Variants in LSAMP observed in about 807,000 individuals in gnomAD.
LSAMP encodes the protein limbic system-associated membrane protein.
In LSAMP, 7 loss-of-function variants were observed where a neutral mutation model predicts 38.6. That is an observed-to-expected ratio of 0.18 (90% CI 0.10 to 0.34). LSAMP has a LOEUF of 0.34. Ranked by LOEUF, LSAMP falls within the 10% of genes least tolerant of loss-of-function variation. The pLI is 1.00. For missense variants in LSAMP, 313 were observed against 420.0 expected (o/e 0.75, Z 2.23); for synonymous variants, 154 against 166.8 (o/e 0.92, Z 0.59).
At chr3:116,380,252 A>C (rs946025862) in intron 1 of LSAMP, among the ~76,000 whole-genome samples, 6 of 152,076 alleles carry the variant, frequency 3.9e-5, no homozygotes, top group Admixed American at 1.3e-4. Context: ...GTATAGAGAT[A>C]CTGTGAGCTG....
chr3:116,128,598 G>A (rs1197934944), intron 1 of LSAMP, among the ~76,000 whole-genome samples: 1 of 152,186 alleles, frequency 6.6e-6, no homozygotes, highest in Non-Finnish European at 1.5e-5. Flanking sequence ...GAAAATGTCT[G>A]TGCTGCCACT....
At chr3:116,379,075 G>A (rs1264165282) in intron 1 of LSAMP, among the ~76,000 whole-genome samples, 1 of 151,554 alleles carries the variant, frequency 6.6e-6, no homozygotes, top group Non-Finnish European at 1.5e-5. Flanking sequence ...AACAGCATTT[G>A]TGAGTCTACG....
rs577246580 is a variant in LSAMP at position 116,041,801 on chromosome 3, A to C, written c.389-22161T>G. ...CAAAAGTAAATGAAAGCATGCAAAA[A>C]AAAACAAAACAAAACAAAAAAAAAA... is the stretch of plus-strand genomic sequence containing the variant. On this transcript the variant is annotated intron_variant, in intron 2 of 6. Coordinates refer to ENST00000490035, the MANE Select transcript of LSAMP (RefSeq NM_002338.5). 6.2e-4 allele frequency among the ~76,000 whole-genome samples: 93 copies of C among 150,636 alleles called. 1 individual carries two copies. The highest frequency in any genetic ancestry group is 1.5e-3 in the Admixed American group (22 of 15,124).
rs60344430 is a variant in LSAMP at position 116,390,739 on chromosome 3, CAAAAAA to C, written c.155+54132_155+54137del. ...TGGGCAACAGAGTGAGACTCCGCCT[CAAAAAA>C]AAAAAAAAAAAAAAAAAAGGCAAGG... On this transcript the variant is annotated intron_variant, in intron 1 of 6. Transcript: ENST00000490035. Among the ~76,000 whole-genome samples, 29 of 55,990 alleles carry C rather than the reference CAAAAAA, an allele frequency of 5.2e-4. 1 individual carries two copies. Among genetic ancestry groups the C allele is most frequent in the Admixed American group, 1.8e-3 (8 of 4,544 alleles). 36.7% of individuals were successfully genotyped at this position (55,990 alleles called of 152,430 possible).
intron 3 of LSAMP, among the ~76,000 whole-genome samples, chr3:115,932,102 C>CA (rs986785472): frequency 6.6e-6 from 1 of 151,684 alleles, no homozygotes; most frequent in Non-Finnish European, 1.5e-5. Flanking sequence ...GGTAGGAGTA[C>CA]AAAAAAATGC....
At chr3:115,824,537 C>A (rs2107471590) in intron 6 of LSAMP, among the ~76,000 whole-genome samples, 1 of 152,162 alleles carries the variant, frequency 6.6e-6, no homozygotes, top group Non-Finnish European at 1.5e-5. Context: ...CCCATCTCTA[C>A]TAAAGATACA....
At chr3:116,097,767 C>T (rs575495599) in intron 1 of LSAMP, among the ~76,000 whole-genome samples, 134 of 151,472 alleles carry the variant, frequency 8.8e-4, no homozygotes, top group Non-Finnish European at 1.6e-3. Flanking sequence ...CACAGTTTTG[C>T]TCTTGCTGCC....
rs186903156 is a variant in LSAMP at position 116,248,923 on chromosome 3, G to A, written c.156-162367C>T. 3.8e-4 allele frequency among the ~76,000 whole-genome samples: 58 copies of A among 152,124 alleles called. No homozygotes were observed. In the East Asian group the frequency reaches 9.5e-3, roughly 25 times the overall value. On this transcript the variant is annotated intron_variant, in intron 1 of 6. Transcript: ENST00000490035. ...AGCACTTTGGGAGGCTGAGGCAGGCGGATCACGAGGTCAGGAGATCGAGAC... is the reference window on the plus strand; with the variant it reads ...AGCACTTTGGGAGGCTGAGGCAGGCAGATCACGAGGTCAGGAGATCGAGAC...
intron 3 of LSAMP, among the ~76,000 whole-genome samples, chr3:115,866,807 A>C (rs1319765065): frequency 6.6e-6 from 1 of 152,106 alleles, no homozygotes; most frequent in Non-Finnish European, 1.5e-5. Flanking sequence ...CAAAGATATC[A>C]AACTTTAAAG....
In LSAMP at chr3:116,019,670, A is replaced by T. The variant is rs145801910; in HGVS notation, c.389-30T>A. Reference sequence around the variant, plus strand: ...GAAAACAAAAGGAAATGGAATATGTAACCATGTCAGTAAGATTAGGCTTGT... The same window carrying T: ...GAAAACAAAAGGAAATGGAATATGTTACCATGTCAGTAAGATTAGGCTTGT... On this transcript the variant is annotated intron_variant, in intron 2 of 6. Transcript: ENST00000490035. 5 of 1,604,776 alleles carry T rather than the reference A, an allele frequency of 3.1e-6. No individual in the cohort carries two copies. The African/African-American group carries it at 6.7e-5, about 21-fold the overall frequency.
At chr3:116,237,066 G>T (rs2046473859) in intron 1 of LSAMP, among the ~76,000 whole-genome samples, 1 of 151,826 alleles carries the variant, frequency 6.6e-6, no homozygotes, top group African/African-American at 2.4e-5. Flanking sequence ...AAGACACTAA[G>T]ATGACTTTCT....
intron 1 of LSAMP, among the ~76,000 whole-genome samples, chr3:116,379,221 A>T (rs2107799588): frequency 6.6e-6 from 1 of 152,212 alleles, no homozygotes; most frequent in East Asian, 1.9e-4. Context: ...GATTATTTTT[A>T]ATTAACCTAA....
intron 1 of LSAMP, among the ~76,000 whole-genome samples, chr3:116,423,983 C>T (rs950901192): frequency 6.6e-6 from 1 of 152,052 alleles, no homozygotes; most frequent in Non-Finnish European, 1.5e-5. Flanking sequence ...GAGTCTAGAA[C>T]AGGTGATGGA....
intron 1 of LSAMP, among the ~76,000 whole-genome samples, chr3:116,290,734 AAATAATAAT>A (rs201227569): frequency 0.1 from 14,389 of 140,432 alleles, 781 homozygotes; most frequent in African/African-American, 0.11. Context: ...TGTCTCACAA[AAATAATAAT>A]AATAATAATA....
At chr3:116,118,318 C>T (rs1708799047) in intron 1 of LSAMP, among the ~76,000 whole-genome samples, 1 of 152,166 alleles carries the variant, frequency 6.6e-6, no homozygotes, top group African/African-American at 2.4e-5. Context: ...TTCCTTCCCC[C>T]TATTTCCAGT....
At position 116,388,933 on chromosome 3, in the gene LSAMP, A is replaced by G. The variant is rs115278647; in HGVS notation, c.155+55944T>C. Among the ~76,000 whole-genome samples the G allele has an allele frequency of 1.6e-3, 244 of 152,328 alleles. 1 individual carries two copies. The highest frequency in any genetic ancestry group is 5.5e-3 in the African/African-American group (228 of 41,572). ...AAGAACAAAGAAAAAGATGAGCCCAATAGAAAATAAATTGGCATTAAGAAA... is the reference window on the plus strand; with the variant it reads ...AAGAACAAAGAAAAAGATGAGCCCAGTAGAAAATAAATTGGCATTAAGAAA... On this transcript the variant is annotated intron_variant, in intron 1 of 6. Coordinates refer to ENST00000490035, the MANE Select transcript of LSAMP (RefSeq NM_002338.5).
chr3:115,847,165 A>G (rs1935186470), intron 4 of LSAMP, among the ~76,000 whole-genome samples: 1 of 152,064 alleles, frequency 6.6e-6, no homozygotes. Flanking sequence ...CAAGTCTACC[A>G]CTCACCAAAG....
intron 1 of LSAMP, among the ~76,000 whole-genome samples, chr3:116,200,998 A>G (rs747992056): frequency 5.9e-5 from 9 of 152,206 alleles, no homozygotes; most frequent in Non-Finnish European, 1.3e-4. Flanking sequence ...GACAGCCACA[A>G]AAACAGGGAT....
chr3:116,112,336 G>A (rs575076314), intron 1 of LSAMP, among the ~76,000 whole-genome samples: 10 of 152,318 alleles, frequency 6.6e-5, no homozygotes, highest in African/African-American at 2.4e-4. Flanking sequence ...TACAGGGCAG[G>A]AGGGGAGAGA....
Sources: allele counts gnomAD v4.1 joint callset (sites outside exome capture counted in the v4.1 genomes callset), GRCh38; gene constraint gnomAD v4.1.1; transcripts MANE v1.5; gene names NCBI Gene and HGNC (gene_info 2026-07-23, HGNC 2026-07-21).